Variants in CAMTA1 observed in about 807,000 individuals in gnomAD.
The protein encoded by CAMTA1 is calmodulin binding transcription activator 1, also known as calmodulin-binding transcription activator 1.
A neutral mutation model predicts 170.9 loss-of-function variants in CAMTA1; 27 were observed. The ratio of observed to expected loss-of-function variants is 0.16; its 90% CI spans 0.12 to 0.22. The LOEUF is 0.22. CAMTA1 is among the 10% of genes least tolerant of loss of function. The pLI, the probability that CAMTA1 is intolerant of heterozygous loss-of-function variation, is 1.00. For synonymous variants in CAMTA1, 833 were observed against 891.5 expected (o/e 0.93, Z 1.17); for missense variants, 1,619 against 2,217.2 (o/e 0.73, Z 5.42).
At chr1:7,724,227 TC>T (rs2096668008) in intron 11 of CAMTA1, among the ~76,000 whole-genome samples, 1 of 152,194 alleles carries the variant, frequency 6.6e-6, no homozygotes, top group Non-Finnish European at 1.5e-5. Context: ...CTGGGTTAGA[TC>T]CTGGAACAGA....
intron 1 of CAMTA1, among the ~76,000 whole-genome samples, chr1:6,790,002 CG>C (rs1640597880): frequency 6.6e-6 from 1 of 150,880 alleles, no homozygotes; most frequent in Non-Finnish European, 1.5e-5. Context: ...TTAATAGAGA[CG>C]GGGTTTCACC....
intron 6 of CAMTA1, among the ~76,000 whole-genome samples, chr1:7,625,943 G>A (rs563753265): frequency 2.0e-5 from 3 of 152,194 alleles, no homozygotes; most frequent in Non-Finnish European, 4.4e-5. Context: ...CTGGAGAAAG[G>A]AAGAAGATAA....
intron 11 of CAMTA1, among the ~76,000 whole-genome samples, chr1:7,705,733 G>C (rs1011063890): frequency 6.6e-6 from 1 of 152,194 alleles, no homozygotes; most frequent in African/African-American, 2.4e-5. Context: ...GTGCGGGATC[G>C]GGCGACGGGG....
At chr1:7,621,074 G>A (rs2095594981) in intron 6 of CAMTA1, among the ~76,000 whole-genome samples, 1 of 152,224 alleles carries the variant, frequency 6.6e-6, no homozygotes, top group South Asian at 2.1e-4. Flanking sequence ...CCAATGCTGG[G>A]AAGAGCAGGG....
chr1:6,943,851 A>AAG (rs1178402798), intron 3 of CAMTA1, among the ~76,000 whole-genome samples: 1 of 104,014 alleles, frequency 9.6e-6, no homozygotes, highest in African/African-American at 3.1e-5. Context: ...TGTCTCAAAA[A>AAG]AAAAAAAAAA....
intron 3 of CAMTA1, among the ~76,000 whole-genome samples, chr1:6,844,390 G>A (rs1057398944): frequency 2.0e-5 from 3 of 151,818 alleles, no homozygotes; most frequent in Non-Finnish European, 4.4e-5. Context: ...CACTGAAATG[G>A]GGCTGGGCAC....
At chr1:7,587,067 A>G (rs1440210121) in intron 6 of CAMTA1, among the ~76,000 whole-genome samples, 1 of 151,810 alleles carries the variant, frequency 6.6e-6, no homozygotes, top group Non-Finnish European at 1.5e-5. Flanking sequence ...AGGGGTTTCA[A>G]TGCCTAGAAT....
chr1:7,715,573 C>T (rs189700075), intron 11 of CAMTA1, among the ~76,000 whole-genome samples: 4 of 152,248 alleles, frequency 2.6e-5, no homozygotes, highest in African/African-American at 9.6e-5. Context: ...GCTGGGATTA[C>T]AGGTGTAGCC....
chr1:7,229,434 G>C (rs1662287312), intron 4 of CAMTA1, among the ~76,000 whole-genome samples: 1 of 118,856 alleles, frequency 8.4e-6, no homozygotes, highest in Admixed American at 8.5e-5. Context: ...GAGGGGAGGG[G>C]AGGAGGGGGG....
intron 6 of CAMTA1, among the ~76,000 whole-genome samples, chr1:7,540,760 T>C (rs149109137): frequency 6.6e-6 from 1 of 152,074 alleles, no homozygotes; most frequent in Non-Finnish European, 1.5e-5. Context: ...TTCTGAGAGA[T>C]AGTTACATAG....
intron 4 of CAMTA1, among the ~76,000 whole-genome samples, chr1:7,122,502 C>T (rs1310605077): frequency 6.6e-6 from 1 of 152,096 alleles, no homozygotes; most frequent in Middle Eastern, 3.2e-3. Flanking sequence ...AGGACACGTG[C>T]CCCTGAGGGA....
chr1:7,663,422 C>T lies in CAMTA1; in HGVS notation c.875C>T (p.Pro292Leu), dbSNP rs766472851. ...KHRIISPKVE[P>L]RTGGYGSHSE... ...CGCATCATCTCGCCCAAGGTGGAGC[C>T]ACGGACAGGGGGGTACGGGAGCCAC... The change falls in exon 9 of 23, where the codon CCA (proline) becomes CTA (leucine). Residue 292 changes from proline to leucine, a missense_variant. Pro to Leu is a moderately conservative substitution (Grantham distance 98). This residue lies in a region of CAMTA1 where 731 missense variants were observed against 907.6 expected (regional missense o/e 0.81). Coordinates refer to ENST00000303635, the MANE Select transcript of CAMTA1 (RefSeq NM_015215.4). The T allele has an allele frequency of 1.3e-6, 2 of 1,562,672 alleles. No homozygotes were observed. The highest frequency in any genetic ancestry group is 1.7e-6 in the Non-Finnish European group (2 of 1,149,856).
intron 3 of CAMTA1, among the ~76,000 whole-genome samples, chr1:6,974,176 C>G (rs1693018430): frequency 6.6e-6 from 1 of 152,182 alleles, no homozygotes; most frequent in African/African-American, 2.4e-5. Context: ...GGAGCTGCAG[C>G]AGCATCTCCA....
intron 2 of CAMTA1, among the ~76,000 whole-genome samples, chr1:6,822,080 GT>G (rs1194891526): frequency 1.3e-5 from 2 of 152,098 alleles, no homozygotes; most frequent in East Asian, 3.8e-4. Flanking sequence ...ATAATGAAGT[GT>G]TTTACTGTCA....
At position 7,435,293 on chromosome 1, in the gene CAMTA1, C is replaced by A. The variant is rs890548922; in HGVS notation, c.439-32537C>A. Among the ~76,000 whole-genome samples the A allele has an allele frequency of 2.6e-5, 4 of 152,072 alleles. No individual in the cohort carries two copies. Among genetic ancestry groups the A allele is most frequent in the African/African-American group, 9.7e-5 (4 of 41,420 alleles). On this transcript the variant is annotated intron_variant, in intron 5 of 22. Transcript: ENST00000303635. This position sits in a 1 kb window ranked among gnomAD's most constrained non-coding sequence, Gnocchi z 4.4. ...TCACAGTCCAGTGGGGAGATCAGGC[C>A]CCAGGCTGCCTTTATTCTCACTGTC...
At chr1:7,671,691 G>A (rs764358854) in intron 10 of CAMTA1, among the ~76,000 whole-genome samples, 2 of 152,188 alleles carry the variant, frequency 1.3e-5, no homozygotes, top group Non-Finnish European at 2.9e-5. Context: ...TCCAATTTCA[G>A]GGGCTCAAAA....
At chr1:7,479,271 A>G (rs987764683) in intron 6 of CAMTA1, among the ~76,000 whole-genome samples, 1 of 152,214 alleles carries the variant, frequency 6.6e-6, no homozygotes, top group Non-Finnish European at 1.5e-5. Context: ...GGTTTTGCCT[A>G]GACAGGTGAA....
rs1406784591 is a variant in CAMTA1, at chr1:7,685,565, C to A, written c.2914+7832C>A. On this transcript the variant is annotated intron_variant, in intron 11 of 22. Coordinates refer to ENST00000303635, the MANE Select transcript of CAMTA1 (RefSeq NM_015215.4). The surrounding 1 kb of genome is among the most constrained non-coding windows in gnomAD (Gnocchi z 5.7). The stretch of plus-strand genomic sequence containing the variant: ...AGTGCGATTCTGCCCCTCCCTCCCA[C>A]TCCCCTGCTTGCTCCTCAGTCTCCA... Among the ~76,000 whole-genome samples the A allele has an allele frequency of 6.6e-6, 1 of 152,200 alleles. No individual in the cohort carries two copies. Among genetic ancestry groups the A allele is most frequent in the Non-Finnish European group, 1.5e-5 (1 of 68,034 alleles).
At chr1:7,076,245 C>T (rs1237219924) in intron 3 of CAMTA1, among the ~76,000 whole-genome samples, 4 of 152,128 alleles carry the variant, frequency 2.6e-5, no homozygotes, top group African/African-American at 9.7e-5. Context: ...TTCTTTTTCA[C>T]AGGACTGGAA....
Sources: allele counts gnomAD v4.1 joint callset (sites outside exome capture counted in the v4.1 genomes callset), GRCh38; gene constraint gnomAD v4.1.1; regional missense constraint gnomAD v4.1.1; non-coding constraint Gnocchi (gnomAD v3.1); transcripts MANE v1.5; gene names NCBI Gene and HGNC (gene_info 2026-07-23, HGNC 2026-07-21).